CLEC12A: variants seen among roughly 807,000 people sequenced by gnomAD.
CLEC12A encodes the protein C-type lectin domain family 12 member A.
CLEC12A carries 22 observed loss-of-function variants against 26.5 expected under a neutral mutation model. That is an observed-to-expected ratio of 0.83 (90% CI 0.59 to 1.19). The LOEUF is 1.19. Among genes scored for constraint, CLEC12A ranks in the 50% most tolerant of loss-of-function variants. The probability of loss-of-function intolerance (pLI) is 0.00; values close to 1 mark genes in which losing one functional copy is unlikely to be tolerated. For missense variants in CLEC12A, 353 were observed against 315.6 expected (o/e 1.12, Z -0.90); for synonymous variants, 119 against 101.9 (o/e 1.17, Z -1.01).
rs200522037 is a variant in CLEC12A, at chr12:9,962,090, A to T, written c.11-9487A>T. 5.9e-5 allele frequency among the ~76,000 whole-genome samples: 9 copies of T among 152,282 alleles called. No homozygotes were observed. In the East Asian group the frequency reaches 1.7e-3, roughly 29 times the overall value. ...TCTGCTGCTTCAGTTAATTGCTACC[A>T]GCAATGTTCTCTCAGGCCTAATGTA... On this transcript the variant is annotated intron_variant, in intron 1 of 6. Coordinates refer to the CLEC12A transcript ENST00000355690.
At chr12:9,962,832 A>T (rs936732189) in intron 1 of CLEC12A, among the ~76,000 whole-genome samples, 1 of 152,226 alleles carries the variant, frequency 6.6e-6, no homozygotes, top group Admixed American at 6.5e-5. Context: ...GCTTGGGCTC[A>T]GAGGCCTGAC....
chr12:9,967,155 G>A (rs1380518646), upstream of CLEC12A, among the ~76,000 whole-genome samples: 4 of 151,800 alleles, frequency 2.6e-5, no homozygotes, highest in African/African-American at 4.8e-5. Flanking sequence ...GAGGCGAGAG[G>A]TCACATGGGT....
intron 4 of CLEC12A, chr12:9,993,470 T>C: frequency 1.7e-6 from 1 of 602,484 alleles, no homozygotes; most frequent in Non-Finnish European, 2.9e-6. Context: ...AAGATATGCA[T>C]ATTTAAAAAG....
chr12:9,987,380 G>A (rs1417898349), downstream of CLEC12A, among the ~76,000 whole-genome samples: 1 of 152,182 alleles, frequency 6.6e-6, no homozygotes, highest in Non-Finnish European at 1.5e-5. Flanking sequence ...CTCTCAGGTG[G>A]AAATTCTCTG....
upstream of CLEC12A, among the ~76,000 whole-genome samples, chr12:9,966,778 G>A (rs55943361): frequency 0.54 from 68,442 of 127,334 alleles, 19,193 homozygotes; most frequent in South Asian, 0.66. Flanking sequence ...ATTTAATGTC[G>A]GGAGCAGATT....
At chr12:9,953,639 C>T (rs879305762) in intron 1 of CLEC12A, among the ~76,000 whole-genome samples, 7,944 of 146,706 alleles carry the variant, frequency 0.054, 7 homozygotes, top group South Asian at 0.23. Flanking sequence ...GTGAGGGGCG[C>T]CTCTGCCCGG....
the CLEC12A span, among the ~76,000 whole-genome samples, chr12:10,002,440 GTT>G: frequency 4.9e-5 from 2 of 40,478 alleles, no homozygotes; most frequent in Non-Finnish European, 1.0e-4. Flanking sequence ...GTTGGGTAAT[GTT>G]TTTTTTTTTT....
At chr12:9,953,524 G>T (rs1307674842) in intron 1 of CLEC12A, among the ~76,000 whole-genome samples, 5 of 148,066 alleles carry the variant, frequency 3.4e-5, no homozygotes, top group African/African-American at 1.3e-4. Flanking sequence ...CTGCCCGGCC[G>T]CCCCCTACTG....
chr12:9,978,987 T>C lies in CLEC12A; in HGVS notation c.113T>C (p.Val38Ala), dbSNP rs1222794885. ...ACAGCACCTCCAGCTCCCTCTCATG[T>C]ATGGCGTCCAGCAGCCTTGTTTCTG... ...GEKAPPAPSH[V>A]WRPAALFLTL... The change falls in exon 2 of 6, where the codon GTA becomes GCA. Residue 38 changes from valine (V) to alanine (A), a missense_variant. Val to Ala is a moderately conservative substitution (Grantham distance 64, BLOSUM62 0). Coordinates refer to ENST00000304361, the MANE Select transcript of CLEC12A (RefSeq NM_138337.6). 9.3e-6 allele frequency: 15 copies of C among 1,613,950 alleles called. No individual in the cohort carries two copies. The highest frequency in any genetic ancestry group is 2.5e-6 in the Non-Finnish European group (3 of 1,179,862).
chr12:9,969,891 G>C (rs1864064634), upstream of CLEC12A, among the ~76,000 whole-genome samples: 1 of 152,142 alleles, frequency 6.6e-6, no homozygotes, highest in African/African-American at 2.4e-5. Flanking sequence ...TGTGATGTTG[G>C]ATACAAACTT....
intron 4 of CLEC12A, chr12:9,994,996 A>C: frequency 6.5e-7 from 1 of 1,548,780 alleles, no homozygotes; most frequent in Non-Finnish European, 8.7e-7. Flanking sequence ...TCTTATGACC[A>C]GCGCTGTCTT....
chr12:9,958,261 T>C (rs1203021080), intron 1 of CLEC12A, among the ~76,000 whole-genome samples: 2 of 152,220 alleles, frequency 1.3e-5, no homozygotes, highest in African/African-American at 4.8e-5. Context: ...ATCCGGTTGA[T>C]ACAGAACCCA....
intron 1 of CLEC12A, among the ~76,000 whole-genome samples, chr12:9,952,392 G>A (rs1281881784): frequency 6.6e-6 from 1 of 150,632 alleles, no homozygotes; most frequent in Non-Finnish European, 1.5e-5. Context: ...GGCCGGGCCG[G>A]TCTCCAGCCC....
At chr12:9,978,705 GT>G (rs1271186733) in intron 1 of CLEC12A, among the ~76,000 whole-genome samples, 1 of 151,886 alleles carries the variant, frequency 6.6e-6, no homozygotes, top group South Asian at 2.1e-4. Context: ...TTGCTTATCT[GT>G]TTTTTTAAAT....
chr12:9,993,402 A>C lies in CLEC12A; in HGVS notation n.1005-1616A>C, dbSNP rs558475804. 356 of 674,772 alleles carry C rather than the reference A, an allele frequency of 5.3e-4. 4 individuals are homozygous for C. The East Asian group carries it at 0.011, about 20-fold the overall frequency. The allele number at this position is 674,772 out of a possible 1,614,324, so 41.8% of individuals were successfully genotyped here. On this transcript the variant is annotated intron_variant and non_coding_transcript_variant, in intron 4 of 4. Coordinates refer to the CLEC12A transcript ENST00000449959. ...TAGAGACTGAGGAAAATAGGAAAAA[A>C]AAACAAAAAAAAAAACGATTCTCAT...
intron 1 of CLEC12A, among the ~76,000 whole-genome samples, chr12:9,962,022 G>A (rs192711672): frequency 4.6e-5 from 7 of 152,254 alleles, no homozygotes; most frequent in Non-Finnish European, 7.4e-5. Flanking sequence ...AGTTGTTCTC[G>A]CTGAGTGTAC....
At chr12:10,003,430 T>C in the CLEC12A span, among the ~76,000 whole-genome samples, 1 of 152,208 alleles carries the variant, frequency 6.6e-6, no homozygotes, top group East Asian at 1.9e-4. Flanking sequence ...TGATCAGGCA[T>C]ATGTATACAG....
downstream of CLEC12A, among the ~76,000 whole-genome samples, chr12:9,988,734 G>A (rs1046460849): frequency 1.3e-5 from 2 of 152,146 alleles, no homozygotes; most frequent in African/African-American, 4.8e-5. Flanking sequence ...GAGAGGATGT[G>A]GAGAAATAGG....
chr12:9,997,398 C>T (rs1865080917), downstream of CLEC12A: 3 of 836,522 alleles, frequency 3.6e-6, no homozygotes, highest in Non-Finnish European at 5.4e-6. Context: ...TTACTAGATA[C>T]ACATGATTAA....
Sources: gnomAD v4.1 joint callset for allele counts (sites outside exome capture counted in the v4.1 genomes callset) on GRCh38, gnomAD v4.1.1 for gene constraint, MANE v1.5 for transcripts, NCBI Gene and HGNC (gene_info 2026-07-23, HGNC 2026-07-21) for gene names.